The following SORBS2 variants were observed in gnomAD, a reference collection of about 807,000 sequenced individuals.
SORBS2 encodes sorbin and SH3 domain-containing protein 2.
SORBS2 carries 46 observed loss-of-function variants against 97.7 expected under a neutral mutation model. The observed-to-expected ratio is 0.47, with a 90% confidence interval of 0.37 to 0.60. The LOEUF is 0.60. Among genes scored for constraint, SORBS2 ranks in the 20% least tolerant of loss-of-function variants. The pLI is 0.00. For missense variants in SORBS2, 1,316 were observed against 1,282.3 expected, an observed-to-expected ratio of 1.03 and a Z score of -0.40; for synonymous variants, 476 against 473.4, an observed-to-expected ratio of 1.01 and a Z score of -0.07.
At chr4:185,882,624 T>A (rs1050210028) in intron 1 of SORBS2, among the ~76,000 whole-genome samples, 29 of 152,182 alleles carry the variant, frequency 1.9e-4, no homozygotes, top group African/African-American at 6.5e-4. Flanking sequence ...AAGACTAGAA[T>A]TGTCCAAACA....
intron 2 of SORBS2, among the ~76,000 whole-genome samples, chr4:185,744,998 AGCTGGTGCT>A (rs1471622548): frequency 2.6e-5 from 4 of 152,214 alleles, no homozygotes; most frequent in Admixed American, 2.6e-4. Context: ...TTTGTTAGGC[AGCTGGTGCT>A]AAGGAGAGGG....
At chr4:185,635,847 T>C (rs1200709057) in intron 4 of SORBS2, among the ~76,000 whole-genome samples, 1 of 40,438 alleles carries the variant, frequency 2.5e-5, no homozygotes, top group Non-Finnish European at 5.6e-5. Context: ...TCTTTTTGAA[T>C]TATTTTATTT....
chr4:185,792,970 T>G (rs1333610043), intron 1 of SORBS2, among the ~76,000 whole-genome samples: 2 of 152,334 alleles, frequency 1.3e-5, no homozygotes, highest in African/African-American at 4.8e-5. Flanking sequence ...ATGAGAATAA[T>G]GTACTCATCA....
At chr4:185,589,817 C>G in intron 13 of SORBS2, 32 bp from the exon 26 acceptor site, 1 of 1,097,990 alleles carries the variant, frequency 9.1e-7, no homozygotes, top group Non-Finnish European at 1.4e-6. Flanking sequence ...TGTTTAAAAA[C>G]ATCTTGACAC....
intron 2 of SORBS2, among the ~76,000 whole-genome samples, chr4:185,751,958 G>T (rs998100378): frequency 1.3e-5 from 2 of 152,062 alleles, no homozygotes; most frequent in African/African-American, 4.8e-5. Flanking sequence ...GACAGTTTTG[G>T]TTGCCACAGC....
intron 4 of SORBS2, among the ~76,000 whole-genome samples, chr4:185,665,246 T>TA (rs1362729262): frequency 5.3e-5 from 8 of 152,238 alleles, no homozygotes; most frequent in African/African-American, 1.9e-4. Flanking sequence ...TTGTAGCTGT[T>TA]AGAGAAGGAG....
At chr4:185,953,510 A>T (rs2099278193) in intron 1 of SORBS2, among the ~76,000 whole-genome samples, 1 of 152,206 alleles carries the variant, frequency 6.6e-6, no homozygotes, top group South Asian at 2.1e-4. Context: ...ACCCTGTGTT[A>T]AAGTGTACTT....
At chr4:185,897,354 G>A (rs760856026) in intron 1 of SORBS2, among the ~76,000 whole-genome samples, 16 of 152,162 alleles carry the variant, frequency 1.1e-4, no homozygotes, top group Non-Finnish European at 2.4e-4. Flanking sequence ...CAAGAATCTG[G>A]ACAGACAGGC....
intron 12 of SORBS2, among the ~76,000 whole-genome samples, chr4:185,598,560 A>G (rs2096174822): frequency 6.6e-6 from 1 of 152,228 alleles, no homozygotes; most frequent in Non-Finnish European, 1.5e-5. Flanking sequence ...GATTAGCTAT[A>G]TTTAGTATCA....
chr4:185,683,780 T>C (rs1582671837), intron 2 of SORBS2, among the ~76,000 whole-genome samples: 1 of 151,210 alleles, frequency 6.6e-6, no homozygotes, highest in South Asian at 2.1e-4. Context: ...TGGAAGTTCA[T>C]TTTTTTTTCT....
chr4:185,721,074 C>T (rs951416427), intron 2 of SORBS2, among the ~76,000 whole-genome samples: 2 of 133,318 alleles, frequency 1.5e-5, no homozygotes, highest in Non-Finnish European at 1.6e-5. Context: ...CTCCTGCTTT[C>T]CCACCTATTC....
At chr4:185,689,488 T>C (rs1297166899) in intron 2 of SORBS2, among the ~76,000 whole-genome samples, 1 of 152,238 alleles carries the variant, frequency 6.6e-6, no homozygotes, top group Non-Finnish European at 1.5e-5. Flanking sequence ...TGCAGGGTTA[T>C]AACTTCTCTT....
At chr4:185,842,258 C>A (rs1186752759) in intron 1 of SORBS2, among the ~76,000 whole-genome samples, 1 of 152,052 alleles carries the variant, frequency 6.6e-6, no homozygotes, top group Non-Finnish European at 1.5e-5. Context: ...CCTAAGTGTC[C>A]AAAAAGCTCT....
chr4:185,714,343 T>C (rs1400003585), intron 2 of SORBS2, among the ~76,000 whole-genome samples: 2 of 152,226 alleles, frequency 1.3e-5, no homozygotes, highest in Admixed American at 1.3e-4. Flanking sequence ...GACCCTACAC[T>C]TGGTCTATAC....
At chr4:185,731,866 C>CTCTCTCTCTCTG (rs1286500642) in intron 2 of SORBS2, among the ~76,000 whole-genome samples, 1 of 24,692 alleles carries the variant, frequency 4.0e-5, no homozygotes, top group East Asian at 2.0e-3. Context: ...CTCTCTCTCT[C>CTCTCTCTCTCTG]TATATATATA....
intron 12 of SORBS2, among the ~76,000 whole-genome samples, chr4:185,600,962 C>T (rs924469836): frequency 6.6e-6 from 1 of 151,776 alleles, no homozygotes; most frequent in Non-Finnish European, 1.5e-5. Flanking sequence ...GTAAGCTGAC[C>T]TTCTTTTGTG....
At chr4:185,805,163 T>G (rs2099147831) in intron 1 of SORBS2, among the ~76,000 whole-genome samples, 1 of 152,200 alleles carries the variant, frequency 6.6e-6, no homozygotes, top group African/African-American at 2.4e-5. Flanking sequence ...TTGAGCTTTA[T>G]CTATGCTTCT....
intron 4 of SORBS2, among the ~76,000 whole-genome samples, chr4:185,643,520 G>A (rs562527080): frequency 5.3e-5 from 8 of 152,258 alleles, no homozygotes; most frequent in South Asian, 2.1e-4. Flanking sequence ...GATTGCCTTC[G>A]CTGTGGTGTG....
intron 1 of SORBS2, among the ~76,000 whole-genome samples, chr4:185,786,596 C>CT (rs2099057167): frequency 3.3e-5 from 5 of 152,232 alleles, no homozygotes; most frequent in Admixed American, 3.3e-4. Flanking sequence ...CAAGGCGTGG[C>CT]TTCTCCCATG....
Sources: allele counts gnomAD v4.1 joint callset (sites outside exome capture counted in the v4.1 genomes callset), GRCh38; gene constraint gnomAD v4.1.1; transcripts MANE v1.5; gene names NCBI Gene and HGNC (gene_info 2026-07-23, HGNC 2026-07-21).